The following MYO3B variants were observed in gnomAD, a reference collection of about 807,000 sequenced individuals.
MYO3B encodes myosin IIIB, also known as myosin-IIIb.
A neutral mutation model predicts 174.6 loss-of-function variants in MYO3B; 156 were observed. That is an observed-to-expected ratio of 0.89 (90% CI 0.78 to 1.02). MYO3B has a LOEUF of 1.02. Ranked by LOEUF, MYO3B falls within the 50% of genes least tolerant of loss-of-function variation. The probability of loss-of-function intolerance (pLI) is 0.00; values close to 1 mark genes in which losing one functional copy is unlikely to be tolerated. For missense variants in MYO3B, 1,632 were observed against 1,639.4 expected (o/e 1.00, Z 0.08); for synonymous variants, 563 against 569.1 (o/e 0.99, Z 0.15).
intron 24 of MYO3B, among the ~76,000 whole-genome samples, chr2:170,465,542 A>G (rs900165967): frequency 6.6e-6 from 1 of 152,282 alleles, no homozygotes; most frequent in Non-Finnish European, 1.5e-5. Flanking sequence ...CATCCAAACC[A>G]TATCATCCTC....
chr2:170,373,844 A>G (rs2094267133), intron 9 of MYO3B, among the ~76,000 whole-genome samples: 1 of 145,346 alleles, frequency 6.9e-6, no homozygotes, highest in African/African-American at 2.5e-5. Flanking sequence ...AAAAAAAAAA[A>G]CTTAGCAAGG....
intron 9 of MYO3B, among the ~76,000 whole-genome samples, chr2:170,380,086 T>C (rs10497366): frequency 0.64 from 97,399 of 151,862 alleles, 32,319 homozygotes; most frequent in Non-Finnish European, 0.72. Context: ...CATAAAACTT[T>C]CAGTCAACAC....
chr2:170,401,800 T>TTA, intron 18 of MYO3B, 109 bp downstream of exon 18: 24 of 1,016,094 alleles, frequency 2.4e-5, no homozygotes, highest in South Asian at 3.4e-5. Context: ...TTCTTTCTTT[T>TTA]TCTTTTTTTT....
At chr2:170,647,361 T>C (rs1469045144) in intron 32 of MYO3B, among the ~76,000 whole-genome samples, 2 of 152,194 alleles carry the variant, frequency 1.3e-5, no homozygotes, top group Admixed American at 6.5e-5. Flanking sequence ...ACACTGTGTA[T>C]AGGATAAATG....
chr2:170,246,965 G>A (rs1302454598), intron 7 of MYO3B, among the ~76,000 whole-genome samples: 1 of 152,158 alleles, frequency 6.6e-6, no homozygotes, highest in Admixed American at 6.5e-5. Flanking sequence ...CATTTCTGTA[G>A]AAGTCAAGAC....
chr2:170,336,936 A>G (rs1336454096), intron 8 of MYO3B, among the ~76,000 whole-genome samples: 1 of 150,688 alleles, frequency 6.6e-6, no homozygotes, highest in East Asian at 1.9e-4. Flanking sequence ...GAACTCAAAG[A>G]CCCCTGCTAA....
intron 7 of MYO3B, among the ~76,000 whole-genome samples, chr2:170,237,839 C>T (rs2093088726): frequency 6.6e-6 from 1 of 152,154 alleles, no homozygotes; most frequent in Non-Finnish European, 1.5e-5. Context: ...TTTAATGTCT[C>T]TTGGTTCCTG....
At chr2:170,248,457 A>C (rs1180909459) in intron 7 of MYO3B, among the ~76,000 whole-genome samples, 1 of 152,254 alleles carries the variant, frequency 6.6e-6, no homozygotes, top group African/African-American at 2.4e-5. Context: ...AGTATAAAAC[A>C]GCACAGATTT....
At chr2:170,295,888 A>G in intron 7 of MYO3B, among the ~76,000 whole-genome samples, 1 of 152,304 alleles carries the variant, frequency 6.6e-6, no homozygotes, top group African/African-American at 2.4e-5. Flanking sequence ...TATTCCATAA[A>G]GTGCTGGCTA....
At chr2:170,353,558 T>C (rs6751264) in intron 8 of MYO3B, among the ~76,000 whole-genome samples, 9,072 of 152,236 alleles carry the variant, frequency 0.06, 493 homozygotes, top group African/African-American at 0.15. Context: ...ATGTAAACCA[T>C]GGACTCTGGG....
At chr2:170,477,042 G>T (rs1685360020) in intron 25 of MYO3B, among the ~76,000 whole-genome samples, 1 of 152,034 alleles carries the variant, frequency 6.6e-6, no homozygotes, top group Admixed American at 6.6e-5. Flanking sequence ...TTAGACTTTT[G>T]GGGGTAGGTT....
chr2:170,551,382 T>TTATCTATC (rs57300775), intron 32 of MYO3B, among the ~76,000 whole-genome samples: 56 of 138,772 alleles, frequency 4.0e-4, no homozygotes, highest in Admixed American at 9.5e-4. Context: ...ATTTATTTAT[T>TTATCTATC]TATTTTTAGG....
Position 170,387,366 on chromosome 2 carries a change from G to T in MYO3B, c.1577+58G>T, listed in dbSNP as rs368746207. 1.2e-3 allele frequency: 1,806 copies of T among 1,515,910 alleles called. 30 individuals carry two copies. The South Asian group carries it at 0.02, about 17-fold the overall frequency. The allele number at this position is 1,515,910 out of a possible 1,614,324, so 93.9% of individuals were successfully genotyped here. On this transcript the variant is annotated intron_variant, in intron 14 of 34. Coordinates refer to ENST00000408978, the MANE Select transcript of MYO3B (RefSeq NM_138995.5). ...CCTGCAGTAAAAACTGGGAGACTTTGGAAATTTTAATGGTTCAGTTTTCAT... is the reference window on the plus strand; with the variant it reads ...CCTGCAGTAAAAACTGGGAGACTTTTGAAATTTTAATGGTTCAGTTTTCAT...
chr2:170,274,522 T>C (rs760688600), intron 7 of MYO3B, among the ~76,000 whole-genome samples: 7 of 152,146 alleles, frequency 4.6e-5, no homozygotes, highest in Admixed American at 6.6e-5. Flanking sequence ...ATGAGTGAAC[T>C]AACAGTAGGC....
intron 25 of MYO3B, among the ~76,000 whole-genome samples, chr2:170,476,945 G>A (rs1345349128): frequency 6.6e-6 from 1 of 152,092 alleles, no homozygotes; most frequent in Non-Finnish European, 1.5e-5. Context: ...ACACAGACAT[G>A]GCTTTTGTTC....
At chr2:170,500,812 C>A (rs1687215216) in intron 27 of MYO3B, among the ~76,000 whole-genome samples, 1 of 152,170 alleles carries the variant, frequency 6.6e-6, no homozygotes. Flanking sequence ...TTTTCTAGTC[C>A]AGATGGAACT....
At position 170,582,985 on chromosome 2, in the gene MYO3B, G is replaced by A. The variant is rs541665739; in HGVS notation, c.3733+38997G>A. On this transcript the variant is annotated intron_variant, in intron 32 of 34. Transcript: ENST00000408978. ...CCCCTTTGCCACAAAAACTAGCCTT[G>A]GACTCTCTGGCTGCTCCTGACAGCT... is the stretch of plus-strand genomic sequence containing the variant. Among the ~76,000 whole-genome samples, 371 of 152,054 alleles carry A rather than the reference G, an allele frequency of 2.4e-3. 5 individuals carry two copies. The South Asian group carries it at 0.033, about 14-fold the overall frequency.
intron 32 of MYO3B, among the ~76,000 whole-genome samples, chr2:170,579,651 A>G (rs1483847450): frequency 2.0e-5 from 3 of 152,246 alleles, no homozygotes; most frequent in African/African-American, 7.2e-5. Flanking sequence ...AGAAGTTGTC[A>G]GGGCCATTGT....
chr2:170,463,774 G>A (rs929687054), intron 24 of MYO3B, among the ~76,000 whole-genome samples: 2 of 152,140 alleles, frequency 1.3e-5, no homozygotes, highest in African/African-American at 2.4e-5. Context: ...ATCTGTCTTA[G>A]CATTGACTTT....
Sources: allele counts gnomAD v4.1 joint callset (sites outside exome capture counted in the v4.1 genomes callset), GRCh38; gene constraint gnomAD v4.1.1; transcripts MANE v1.5; gene names NCBI Gene and HGNC (gene_info 2026-07-23, HGNC 2026-07-21).